KCNIP4: variants seen among roughly 807,000 people sequenced by gnomAD.
KCNIP4 encodes Kv channel-interacting protein 4.
KCNIP4 carries 12 observed loss-of-function variants against 34.0 expected under a neutral mutation model. The ratio of observed to expected loss-of-function variants is 0.35; its 90% CI spans 0.23 to 0.57. The LOEUF (loss-of-function observed/expected upper bound fraction) is 0.57. Ranked by LOEUF, KCNIP4 falls within the 20% of genes least tolerant of loss-of-function variation. KCNIP4 has a pLI of 0.83. For synonymous variants in KCNIP4, 124 were observed against 102.2 expected (o/e 1.21, Z -1.29); for missense variants, 238 against 311.7 (o/e 0.76, Z 1.78).
At chr4:20,860,404 C>T (rs1722071998) in intron 2 of KCNIP4, among the ~76,000 whole-genome samples, 1 of 152,160 alleles carries the variant, frequency 6.6e-6, no homozygotes, top group South Asian at 2.1e-4. Flanking sequence ...TCCCGAAGTG[C>T]TGGGATTATA....
At chr4:21,761,846 T>G (rs569290849) in intron 1 of KCNIP4, among the ~76,000 whole-genome samples, 1 of 152,216 alleles carries the variant, frequency 6.6e-6, no homozygotes, top group Admixed American at 6.5e-5. Context: ...GGCTAAATGA[T>G]GCGGAACAGG....
chr4:21,342,597 T>C (rs1044506763), intron 1 of KCNIP4, among the ~76,000 whole-genome samples: 9 of 152,230 alleles, frequency 5.9e-5, no homozygotes, highest in Non-Finnish European at 1.3e-4. Context: ...ATTTATTTGC[T>C]TTTTTCTGTG....
chr4:21,025,543 G>GTTTTTTTTTTT (rs772689134), intron 1 of KCNIP4, among the ~76,000 whole-genome samples: 1 of 34,778 alleles, frequency 2.9e-5, no homozygotes, highest in Non-Finnish European at 5.1e-5. Context: ...CATTGATACT[G>GTTTTTTTTTTT]TTTTTTTTTT....
At position 21,696,321 on chromosome 4, in the gene KCNIP4, T is replaced by C. The variant is rs189577697; in HGVS notation, c.61+252250A>G. On this transcript the variant is annotated intron_variant, in intron 1 of 8. Coordinates refer to ENST00000382152, the MANE Select transcript of KCNIP4 (RefSeq NM_025221.6). ...TGCTCAAATTCATCTCTCAGCTTTATATCAGCACAAGATCACCTCTTGCTC... is the reference window on the plus strand; with the variant it reads ...TGCTCAAATTCATCTCTCAGCTTTACATCAGCACAAGATCACCTCTTGCTC... 5.9e-5 allele frequency among the ~76,000 whole-genome samples: 9 copies of C among 151,754 alleles called. No homozygotes were observed. The East Asian group carries it at 1.8e-3, about 30-fold the overall frequency.
chr4:21,342,094 A>T (rs1477029336), intron 1 of KCNIP4, among the ~76,000 whole-genome samples: 1 of 152,136 alleles, frequency 6.6e-6, no homozygotes, highest in Non-Finnish European at 1.5e-5. Flanking sequence ...GAATCTTGGA[A>T]GCATGCTTGC....
At chr4:21,064,199 T>C in intron 1 of KCNIP4, among the ~76,000 whole-genome samples, 1 of 152,182 alleles carries the variant, frequency 6.6e-6, no homozygotes, top group East Asian at 1.9e-4. Flanking sequence ...CAAATATTTT[T>C]CAAGATGAAA....
Position 21,830,283 on chromosome 4 carries a change from G to A in KCNIP4, c.61+118288C>T, listed in dbSNP as rs80177058. Among the ~76,000 whole-genome samples the A allele has an allele frequency of 8.4e-3, 1,283 of 152,160 alleles. 14 individuals are homozygous for A. The highest frequency in any genetic ancestry group is 0.028 in the South Asian group (135 of 4,810). On this transcript the variant is annotated intron_variant, in intron 1 of 8. Transcript: ENST00000382152. ...ATAAAAATGGCTCAATTCATCAGGA[G>A]AATATAACAATTATATATATGTACC...
At chr4:20,962,170 C>A (rs552544863) in intron 1 of KCNIP4, among the ~76,000 whole-genome samples, 209 of 152,324 alleles carry the variant, frequency 1.4e-3, no homozygotes, top group African/African-American at 4.7e-3. Flanking sequence ...GCCAAAGAAG[C>A]AGAATTCTCC....
chr4:21,502,077 T>C (rs1014717126), intron 1 of KCNIP4, among the ~76,000 whole-genome samples: 1 of 151,668 alleles, frequency 6.6e-6, no homozygotes, highest in African/African-American at 2.4e-5. Flanking sequence ...CTAATTATGG[T>C]TTCGACCCAA....
intron 1 of KCNIP4, among the ~76,000 whole-genome samples, chr4:21,446,665 A>G (rs576443516): frequency 3.4e-4 from 51 of 151,292 alleles, no homozygotes; most frequent in Non-Finnish European, 6.6e-4. Flanking sequence ...TAGGAGATGT[A>G]CCTAATGTTA....
intron 1 of KCNIP4, among the ~76,000 whole-genome samples, chr4:21,746,072 T>G (rs1021806754): frequency 6.6e-6 from 1 of 152,168 alleles, no homozygotes; most frequent in Non-Finnish European, 1.5e-5. Flanking sequence ...GCCACATTCT[T>G]GCTCTGTCCC....
At chr4:21,112,355 A>G (rs1749290832) in intron 1 of KCNIP4, among the ~76,000 whole-genome samples, 1 of 152,158 alleles carries the variant, frequency 6.6e-6, no homozygotes, top group Non-Finnish European at 1.5e-5. Flanking sequence ...ATCGAGTCCT[A>G]CTGTAGAAGC....
At chr4:20,864,474 T>C (rs925184157) in intron 2 of KCNIP4, among the ~76,000 whole-genome samples, 1 of 151,894 alleles carries the variant, frequency 6.6e-6, no homozygotes, top group South Asian at 2.1e-4. Context: ...GTTCTGTAGA[T>C]GAAGATACCA....
chr4:21,713,379 T>C (rs911700547), intron 1 of KCNIP4, among the ~76,000 whole-genome samples: 20 of 152,198 alleles, frequency 1.3e-4, no homozygotes, highest in Admixed American at 1.2e-3. Context: ...TGAACACTGC[T>C]GGGATGATTA....
intron 1 of KCNIP4, among the ~76,000 whole-genome samples, chr4:21,244,371 T>C (rs1021542040): frequency 6.6e-6 from 1 of 152,194 alleles, no homozygotes; most frequent in African/African-American, 2.4e-5. Flanking sequence ...CCTAAAACAG[T>C]TTCATTATAA....
intron 1 of KCNIP4, among the ~76,000 whole-genome samples, chr4:21,651,405 G>T (rs560787565): frequency 6.6e-6 from 1 of 152,260 alleles, no homozygotes; most frequent in East Asian, 1.9e-4. Context: ...GAAGATTAGG[G>T]ATAAAGAGGA....
At chr4:21,468,768 A>G (rs551031080) in intron 1 of KCNIP4, among the ~76,000 whole-genome samples, 6 of 152,196 alleles carry the variant, frequency 3.9e-5, no homozygotes, top group Non-Finnish European at 8.8e-5. Context: ...TGACAAATCT[A>G]ATCAAATTAA....
intron 1 of KCNIP4, among the ~76,000 whole-genome samples, chr4:21,763,961 T>C (rs1158357838): frequency 6.6e-6 from 1 of 152,096 alleles, no homozygotes; most frequent in Non-Finnish European, 1.5e-5. Context: ...TGGGTTTCAG[T>C]GCCAGGAACT....
At chr4:21,196,820 C>T (rs751672546) in intron 1 of KCNIP4, among the ~76,000 whole-genome samples, 1 of 152,120 alleles carries the variant, frequency 6.6e-6, no homozygotes, top group Non-Finnish European at 1.5e-5. Context: ...GTAGAAAATA[C>T]AGCACATAAA....
Sources: gnomAD v4.1 joint callset for allele counts (sites outside exome capture counted in the v4.1 genomes callset) on GRCh38, gnomAD v4.1.1 for gene constraint, MANE v1.5 for transcripts, NCBI Gene and HGNC (gene_info 2026-07-23, HGNC 2026-07-21) for gene names.